Variants in MPP7 observed in about 807,000 individuals in gnomAD.
MPP7 encodes MAGUK p55 scaffold protein 7.
Under a neutral mutation model 76.5 loss-of-function variants are expected in MPP7, and 60 were observed. The ratio of observed to expected loss-of-function variants is 0.78; its 90% CI spans 0.64 to 0.97. The LOEUF (loss-of-function observed/expected upper bound fraction) is 0.97, where lower values mean the gene tolerates loss of function less well. Among genes scored for constraint, MPP7 ranks in the 50% least tolerant of loss-of-function variants. MPP7 has a pLI of 0.00. For synonymous variants in MPP7, 237 were observed against 244.5 expected (o/e 0.97, Z 0.29); for missense variants, 641 against 694.0 (o/e 0.92, Z 0.86).
intron 2 of MPP7, among the ~76,000 whole-genome samples, chr10:28,215,706 T>C (rs1838288252): frequency 6.6e-6 from 1 of 152,162 alleles, no homozygotes; most frequent in Non-Finnish European, 1.5e-5. Flanking sequence ...CTGGGCATAT[T>C]GGTAAACATC....
intron 2 of MPP7, among the ~76,000 whole-genome samples, chr10:28,308,323 C>T (rs1564769551): frequency 6.6e-6 from 1 of 152,204 alleles, no homozygotes; most frequent in Non-Finnish European, 1.5e-5. Flanking sequence ...GTATCTTCAG[C>T]CTCTCCACTT....
intron 1 of MPP7, among the ~76,000 whole-genome samples, chr10:28,332,425 TAA>T (rs1434831182): frequency 6.6e-6 from 1 of 152,198 alleles, no homozygotes; most frequent in Non-Finnish European, 1.5e-5. Flanking sequence ...ATGGGAGTTT[TAA>T]AGTTATTATT....
At chr10:28,327,231 T>TAAAAAAAA (rs59442840) in intron 2 of MPP7, among the ~76,000 whole-genome samples, 48 of 95,718 alleles carry the variant, frequency 5.0e-4, no homozygotes, top group East Asian at 1.1e-3. Flanking sequence ...GTCAAAGAAG[T>TAAAAAAAA]AAAAAAAAAA....
At chr10:28,157,803 C>T (rs1201255509) in intron 3 of MPP7, among the ~76,000 whole-genome samples, 3 of 152,360 alleles carry the variant, frequency 2.0e-5, no homozygotes, top group Middle Eastern at 3.4e-3. Flanking sequence ...TAAAATGTCA[C>T]TTACACACAG....
chr10:28,058,568 T>C lies in MPP7; in HGVS notation c.1334A>G (p.Tyr445Cys). The change falls in exon 15 of 17, where the codon TAC becomes TGC. Residue 445 changes from tyrosine to cysteine, a missense_variant. Physicochemically the swap from Tyr to Cys is radical, Grantham distance 194 (BLOSUM62 -2). Transcript: ENST00000683449. ...CCGAACTGAGTCTATACTTGTGCCGTAGTAGTTGTTTTTATATTCTCCATA... is the reference window on the plus strand; with the variant it reads ...CCGAACTGAGTCTATACTTGTGCCGCAGTAGTTGTTTTTATATTCTCCATA... Reference protein sequence around the residue: ...IEYGEYKNNYYGTSIDSVRSV... With the variant: ...IEYGEYKNNYCGTSIDSVRSV... The C allele has an allele frequency of 1.9e-6, 3 of 1,601,400 alleles. No homozygotes were observed. The highest frequency in any genetic ancestry group is 2.2e-5 in the South Asian group (2 of 88,952).
intron 5 of MPP7, among the ~76,000 whole-genome samples, chr10:28,140,839 G>A (rs1026390983): frequency 5.9e-5 from 9 of 152,104 alleles, no homozygotes; most frequent in Non-Finnish European, 1.0e-4. Flanking sequence ...AGATGGCACT[G>A]GAACCAAATG....
intron 2 of MPP7, among the ~76,000 whole-genome samples, chr10:28,325,555 G>A (rs1050180159): frequency 3.3e-5 from 5 of 151,828 alleles, no homozygotes; most frequent in Admixed American, 6.6e-5. Flanking sequence ...GTGCAGTGGC[G>A]TGATCTCAGC....
intron 3 of MPP7, among the ~76,000 whole-genome samples, chr10:28,173,817 A>C (rs1836768032): frequency 6.6e-6 from 1 of 152,228 alleles, no homozygotes; most frequent in Non-Finnish European, 1.5e-5. Context: ...AACCTAACTA[A>C]ATAGAAAGAG....
chr10:28,325,790 G>T (rs897490693), intron 2 of MPP7, among the ~76,000 whole-genome samples: 1 of 151,872 alleles, frequency 6.6e-6, no homozygotes, highest in Non-Finnish European at 1.5e-5. Context: ...CACCGCGCCT[G>T]GCCGCAAGAC....
intron 3 of MPP7, among the ~76,000 whole-genome samples, chr10:28,184,493 G>C (rs142454969): frequency 0.013 from 1,981 of 149,272 alleles, 44 homozygotes; most frequent in African/African-American, 0.046. Context: ...CAGATCACTT[G>C]AGGTCAGGAG....
intron 1 of MPP7, among the ~76,000 whole-genome samples, chr10:28,240,804 T>A (rs1839243457): frequency 6.6e-6 from 1 of 152,114 alleles, no homozygotes. Flanking sequence ...AAAGACTGTA[T>A]AATTTAAAGA....
At chr10:28,308,036 A>G (rs1841268747), upstream of MPP7, among the ~76,000 whole-genome samples, 1 of 152,184 alleles carries the variant, frequency 6.6e-6, no homozygotes, top group South Asian at 2.1e-4. Flanking sequence ...AATTTTCTCT[A>G]ACACTTCCCC....
intron 5 of MPP7, among the ~76,000 whole-genome samples, chr10:28,138,615 T>C: frequency 6.6e-6 from 1 of 152,242 alleles, no homozygotes; most frequent in Middle Eastern, 3.2e-3. Flanking sequence ...AGTGACACTA[T>C]TGTTACAGAA....
At chr10:28,301,162 A>G (rs1037555125) in intron 1 of MPP7, among the ~76,000 whole-genome samples, 5 of 152,190 alleles carry the variant, frequency 3.3e-5, no homozygotes, top group African/African-American at 1.2e-4. Context: ...TTATTCTTCA[A>G]TCCGTCTATA....
At chr10:28,162,438 A>C (rs1266686323) in intron 3 of MPP7, among the ~76,000 whole-genome samples, 1 of 152,320 alleles carries the variant, frequency 6.6e-6, no homozygotes, top group East Asian at 1.9e-4. Flanking sequence ...CAAAGATAAA[A>C]ATACTATGAA....
intron 1 of MPP7, among the ~76,000 whole-genome samples, chr10:28,265,687 T>C (rs568489116): frequency 2.0e-5 from 3 of 152,340 alleles, no homozygotes; most frequent in African/African-American, 7.2e-5. Context: ...GTCTGTTCCA[T>C]TGTTCAATAA....
At chr10:28,169,949 T>C (rs138589367) in intron 3 of MPP7, among the ~76,000 whole-genome samples, 44 of 152,324 alleles carry the variant, frequency 2.9e-4, no homozygotes, top group Non-Finnish European at 5.3e-4. Flanking sequence ...AGGATCTCTA[T>C]TCCAAGATTT....
chr10:28,282,932 G>C (rs2133103945), intron 1 of MPP7, among the ~76,000 whole-genome samples: 1 of 152,000 alleles, frequency 6.6e-6, no homozygotes, highest in Admixed American at 6.6e-5. Context: ...TGTGTGGATA[G>C]GGGTAGGCAT....
intron 2 of MPP7, among the ~76,000 whole-genome samples, chr10:28,311,871 C>A (rs997790504): frequency 2.6e-5 from 4 of 152,022 alleles, no homozygotes; most frequent in Non-Finnish European, 4.4e-5. Flanking sequence ...AGTTTGGATA[C>A]TTTTAAAATA....
Sources: gnomAD v4.1 joint callset for allele counts (sites outside exome capture counted in the v4.1 genomes callset) on GRCh38, gnomAD v4.1.1 for gene constraint, MANE v1.5 for transcripts, NCBI Gene and HGNC (gene_info 2026-07-23, HGNC 2026-07-21) for gene names.